The following PROM1 variants were observed in gnomAD, a reference collection of about 807,000 sequenced individuals.
PROM1 encodes the protein prominin 1.
PROM1 carries 105 observed loss-of-function variants against 116.9 expected under a neutral mutation model. That is an observed-to-expected ratio of 0.90 (90% CI 0.77 to 1.06). The LOEUF is 1.06. PROM1 is among the 50% of genes least tolerant of loss of function. The pLI is 0.00. For synonymous variants in PROM1, 393 were observed against 387.0 expected, an observed-to-expected ratio of 1.02 and a Z score of -0.18; for missense variants, 1,122 against 1,045.2, an observed-to-expected ratio of 1.07 and a Z score of -1.01.
rs762824040 is a variant in PROM1 at position 16,013,342 on chromosome 4, A to G, written c.1078-4T>C. 1 of 1,596,110 alleles carries G rather than the reference A, an allele frequency of 6.3e-7. No homozygotes were observed. The highest frequency in any genetic ancestry group is 1.1e-5 in the South Asian group (1 of 90,692). On this transcript the variant is annotated splice_region_variant and splice_polypyrimidine_tract_variant and intron_variant, in intron 10 of 27. Coordinates refer to ENST00000447510, the MANE Select transcript of PROM1 (RefSeq NM_006017.3). ...TATCATTAAGGGATTGATAGCCCTG[A>G]AAAATATTTCAAAATAAAAGGATGT...
At chr4:16,062,128 G>A (rs1003942667) in intron 2 of PROM1, among the ~76,000 whole-genome samples, 3 of 151,756 alleles carry the variant, frequency 2.0e-5, no homozygotes, top group African/African-American at 4.8e-5. Flanking sequence ...TCCTGACTTC[G>A]TGACCACCCG....
At chr4:15,980,262 G>GAA (rs3841512) in intron 24 of PROM1, 160 bp downstream of exon 24, 1,912 of 572,290 alleles carry the variant, frequency 3.3e-3, no homozygotes, top group Middle Eastern at 4.3e-3. Context: ...TCAGTACCAA[G>GAA]AAAAAAAAAT....
At chr4:16,072,007 G>A (rs1197775725) in intron 2 of PROM1, among the ~76,000 whole-genome samples, 1 of 152,142 alleles carries the variant, frequency 6.6e-6, no homozygotes, top group African/African-American at 2.4e-5. Flanking sequence ...AGCCCCCTGT[G>A]TAGAGTAATC....
At chr4:16,065,551 G>C (rs1050718994) in intron 2 of PROM1, among the ~76,000 whole-genome samples, 2 of 152,118 alleles carry the variant, frequency 1.3e-5, no homozygotes, top group Non-Finnish European at 2.9e-5. Context: ...TCAGCTGAAT[G>C]TCAGCTTTTT....
At position 16,023,437 on chromosome 4, in the gene PROM1, G is replaced by C. The variant is rs749502648; in HGVS notation, c.695-22C>G. On this transcript the variant is annotated intron_variant, in intron 7 of 27. Transcript: ENST00000447510. The stretch of plus-strand genomic sequence containing the variant: ...ATACCTACATGCAAATAAGCACAAA[G>C]ATGGTGAGGGTGGCCTCTGCTCATC... The C allele has an allele frequency of 7.1e-6, 11 of 1,546,802 alleles. No individual in the cohort carries two copies. In the East Asian group the frequency reaches 2.5e-4, roughly 36 times the overall value.
At chr4:16,060,764 T>C (rs756325690) in intron 2 of PROM1, among the ~76,000 whole-genome samples, 1 of 152,238 alleles carries the variant, frequency 6.6e-6, no homozygotes, top group Non-Finnish European at 1.5e-5. Flanking sequence ...TTTCATCCTT[T>C]AAGTGATATT....
At chr4:16,023,787 T>A (rs1730518584) in intron 7 of PROM1, among the ~76,000 whole-genome samples, 1 of 152,178 alleles carries the variant, frequency 6.6e-6, no homozygotes, top group South Asian at 2.1e-4. Context: ...CGCTAGATGT[T>A]GGTAGCACTG....
At chr4:16,052,249 A>C (rs900913827) in intron 2 of PROM1, among the ~76,000 whole-genome samples, 1 of 152,078 alleles carries the variant, frequency 6.6e-6, no homozygotes, top group Non-Finnish European at 1.5e-5. Flanking sequence ...CTGCTTCTAC[A>C]TCTCCACGTC....
intron 2 of PROM1, among the ~76,000 whole-genome samples, chr4:16,046,593 TTC>T (rs1196822487): frequency 6.6e-6 from 1 of 152,234 alleles, no homozygotes; most frequent in African/African-American, 2.4e-5. Context: ...ATATAATCAC[TTC>T]TGTTAGGTTG....
rs374140606 is a variant in PROM1, at chr4:16,023,317, A to C, written c.784+9T>G. 1 of 1,586,412 alleles carries C rather than the reference A, an allele frequency of 6.3e-7. No individual in the cohort carries two copies. The highest frequency in any genetic ancestry group is 8.6e-7 in the Non-Finnish European group (1 of 1,160,952). ...GAACTTTCTTTGGTCATTTTTGCCC[A>C]CTGCTTACCTGTTGCCATGGACTTA... On this transcript the variant is annotated intron_variant, in intron 8 of 27. Coordinates refer to ENST00000447510, the MANE Select transcript of PROM1 (RefSeq NM_006017.3).
intron 13 of PROM1, chr4:16,003,445 A>G: frequency 2.2e-6 from 1 of 456,166 alleles, no homozygotes; most frequent in Non-Finnish European, 4.4e-6. Flanking sequence ...CCATAACCTC[A>G]GAAACTGCCA....
chr4:16,032,855 C>T (rs753647583), intron 5 of PROM1, among the ~76,000 whole-genome samples: 1 of 152,192 alleles, frequency 6.6e-6, no homozygotes, highest in Non-Finnish European at 1.5e-5. Context: ...TTGCATTCTA[C>T]AATATTTTCA....
intron 2 of PROM1, among the ~76,000 whole-genome samples, chr4:16,052,999 A>T (rs941051672): frequency 1.3e-5 from 2 of 152,250 alleles, no homozygotes; most frequent in African/African-American, 4.8e-5. Flanking sequence ...GAAATATTTA[A>T]TTTGAATAAA....
rs1419254435 is a variant in PROM1, at chr4:15,994,138, A to T, written c.1683-67T>A. ...TGCAGCTACCTCTGTCCACCACTGA[A>T]GATGAGGAGAAAGGCTCACTGTTTC... On this transcript the variant is annotated intron_variant, in intron 15 of 27. Transcript: ENST00000447510. 3.1e-6 allele frequency: 5 copies of T among 1,603,308 alleles called. No individual in the cohort carries two copies. The Admixed American group carries it at 8.5e-5, about 27-fold the overall frequency.
chr4:15,972,577 A>C (rs1020919688), intron 26 of PROM1, among the ~76,000 whole-genome samples: 7 of 152,244 alleles, frequency 4.6e-5, no homozygotes, highest in South Asian at 2.1e-4. Flanking sequence ...ATTAAATCTC[A>C]ACATGAGTTT....
Position 16,025,318 on chromosome 4 carries a change from G to A in PROM1, c.510-6C>T, listed in dbSNP as rs777524228. On this transcript the variant is annotated splice_polypyrimidine_tract_variant and splice_region_variant and intron_variant, in intron 5 of 27. Transcript: ENST00000447510. Reference sequence around the variant, plus strand: ...AACCATAGAAGATGCCAATGCTGCAGGAAAAGGCAGAGAGAAGAAAGAGCA... The same window carrying A: ...AACCATAGAAGATGCCAATGCTGCAAGAAAAGGCAGAGAGAAGAAAGAGCA... The A allele has an allele frequency of 8.1e-6, 13 of 1,613,572 alleles. No individual in the cohort carries two copies. The highest frequency in any genetic ancestry group is 7.6e-6 in the Non-Finnish European group (9 of 1,179,600).
At chr4:16,018,662 C>A (rs1729041740) in intron 8 of PROM1, 122 bp from the exon 9 acceptor site, 1 of 793,070 alleles carries the variant, frequency 1.3e-6, no homozygotes, top group African/African-American at 1.7e-5. Context: ...GAGGGACACA[C>A]TGCAAGGGGC....
intron 13 of PROM1, among the ~76,000 whole-genome samples, chr4:16,002,299 G>A (rs754515147): frequency 6.6e-6 from 1 of 152,166 alleles, no homozygotes; most frequent in Non-Finnish European, 1.5e-5. Flanking sequence ...TGAGACAGGA[G>A]ATCCTAAGTT....
chr4:15,971,314 A>C, intron 26 of PROM1: 1 of 496,474 alleles, frequency 2.0e-6, no homozygotes, highest in Non-Finnish European at 3.6e-6. Context: ...GACTATGACA[A>C]GTAAGAATTG....
Sources: allele counts gnomAD v4.1 joint callset (sites outside exome capture counted in the v4.1 genomes callset), GRCh38; gene constraint gnomAD v4.1.1; transcripts MANE v1.5; gene names NCBI Gene and HGNC (gene_info 2026-07-23, HGNC 2026-07-21).